The following POLR3G variants were observed in gnomAD, a reference collection of about 807,000 sequenced individuals.
The protein encoded by POLR3G is RNA polymerase III subunit G, also known as DNA-directed RNA polymerase III subunit RPC7.
Under a neutral mutation model 30.1 loss-of-function variants are expected in POLR3G, and 28 were observed. That is an observed-to-expected ratio of 0.93 (90% CI 0.69 to 1.27). The LOEUF (loss-of-function observed/expected upper bound fraction) is 1.27. Among genes scored for constraint, POLR3G ranks in the 50% most tolerant of loss-of-function variants. The pLI, the probability that POLR3G is intolerant of heterozygous loss-of-function variation, is 0.00. For missense variants in POLR3G, 254 were observed against 264.6 expected (o/e 0.96, Z 0.28); for synonymous variants, 79 against 82.5 (o/e 0.96, Z 0.23).
intron 7 of POLR3G, among the ~76,000 whole-genome samples, chr5:90,507,446 G>A (rs1376812073): frequency 1.3e-5 from 2 of 152,110 alleles, no homozygotes; most frequent in African/African-American, 4.8e-5. Context: ...ATTTGTATTA[G>A]TATAAACAGA....
At chr5:90,497,783 C>G in intron 5 of POLR3G, 77 bp downstream of exon 5, 1 of 1,498,820 alleles carries the variant, frequency 6.7e-7, no homozygotes, top group Non-Finnish European at 9.0e-7. Context: ...ATTTGTCAAC[C>G]CAAAGTTATA....
rs373253446 is a variant in POLR3G at position 90,478,728 on chromosome 5, G to A, written c.-44+3708G>A. ...CGTGCCACCATGTCCAGCTAAGCCT[G>A]TAGTCCCAGCACTTTGGGAGGCCGA... is the stretch of plus-strand genomic sequence containing the variant. On this transcript the variant is annotated intron_variant, in intron 1 of 7. Coordinates refer to ENST00000651687, the MANE Select transcript of POLR3G (RefSeq NM_006467.3). 1.5e-4 allele frequency among the ~76,000 whole-genome samples: 23 copies of A among 151,584 alleles called. No individual in the cohort carries two copies. The East Asian group carries it at 4.2e-3, about 28-fold the overall frequency.
rs142000063 is a variant in POLR3G, at chr5:90,492,495, G to T, written c.248-3182G>T. 1.6e-4 allele frequency among the ~76,000 whole-genome samples: 25 copies of T among 152,282 alleles called. No homozygotes were observed. In the East Asian group the frequency reaches 4.8e-3, roughly 29 times the overall value. On this transcript the variant is annotated intron_variant, in intron 3 of 7. Transcript: ENST00000651687. Reference sequence around the variant, plus strand: ...TAGACATGAAATTGTTTTCTGGATTGATTGTGTTAACTGGTGATTATAAAT... The same window carrying T: ...TAGACATGAAATTGTTTTCTGGATTTATTGTGTTAACTGGTGATTATAAAT...
intron 1 of POLR3G, among the ~76,000 whole-genome samples, chr5:90,484,742 A>G (rs960445472): frequency 6.6e-6 from 1 of 152,160 alleles, no homozygotes; most frequent in Non-Finnish European, 1.5e-5. Flanking sequence ...TCTTGGGTTC[A>G]AGGGGTTAAA....
intron 1 of POLR3G, among the ~76,000 whole-genome samples, chr5:90,475,469 C>CT (rs914988784): frequency 4.2e-5 from 3 of 71,472 alleles, no homozygotes; most frequent in African/African-American, 1.9e-4. Flanking sequence ...TATATCCACC[C>CT]TTTTTTTAAT....
chr5:90,495,587 T>C, intron 3 of POLR3G, 90 bp from the exon 4 acceptor site: 1 of 1,508,272 alleles, frequency 6.6e-7, no homozygotes. Context: ...AAAAATGTTG[T>C]CTGTTGTTTT....
intron 7 of POLR3G, among the ~76,000 whole-genome samples, chr5:90,510,155 C>T (rs1160394053): frequency 6.6e-6 from 1 of 152,106 alleles, no homozygotes; most frequent in Non-Finnish European, 1.5e-5. Context: ...ACAATGTCTG[C>T]TTGCACTGAG....
chr5:90,488,179 CAG>C, intron 3 of POLR3G, 50 bp downstream of exon 3: 2 of 1,424,112 alleles, frequency 1.4e-6, no homozygotes, highest in Non-Finnish European at 1.9e-6. Context: ...ACAGATGAAA[CAG>C]TGTTTAAGCA....
rs991594155 is a variant in POLR3G, at chr5:90,474,894, G to C, written c.-170G>C. On this transcript the variant is annotated 5_prime_UTR_variant, in exon 1 of 8. Transcript: ENST00000651687. ...GCGGTCCTGGTGCCGCGTGCAGGTC[G>C]GTGCGCGCTTCTCCCGAGGTGGAAC... 6.6e-6 allele frequency: 1 copy of C among 152,652 alleles called. No individual in the cohort carries two copies. Among genetic ancestry groups the C allele is most frequent in the African/African-American group, 2.4e-5 (1 of 41,464 alleles). The allele number at this position is 152,652 out of a possible 1,614,324, so 9.5% of individuals were successfully genotyped here.
At chr5:90,483,137 C>T (rs1444647474) in intron 1 of POLR3G, among the ~76,000 whole-genome samples, 1 of 109,596 alleles carries the variant, frequency 9.1e-6, no homozygotes. Context: ...CGAAACTCCT[C>T]CGTCTCAAAA....
At chr5:90,501,705 C>T (rs1752252239) in intron 5 of POLR3G, among the ~76,000 whole-genome samples, 1 of 152,008 alleles carries the variant, frequency 6.6e-6, no homozygotes, top group Non-Finnish European at 1.5e-5. Flanking sequence ...AATCCTACTA[C>T]GTGATTATCA....
intron 3 of POLR3G, among the ~76,000 whole-genome samples, chr5:90,489,416 G>A (rs538312157): frequency 2.0e-4 from 31 of 151,890 alleles, no homozygotes; most frequent in African/African-American, 6.3e-4. Context: ...CAGACGCACA[G>A]CACCATGCCC....
In POLR3G at chr5:90,500,428, G is replaced by T. The variant is rs575799931; in HGVS notation, c.356-1478G>T. Among the ~76,000 whole-genome samples, 154 of 152,152 alleles carry T rather than the reference G, an allele frequency of 1.0e-3. 2 individuals are homozygous for T. In the South Asian group the frequency reaches 0.012, roughly 12 times the overall value. On this transcript the variant is annotated intron_variant, in intron 5 of 7. Transcript: ENST00000651687. ...TCCCTTCAACAAAGGTTTATGTTATGAAATTAAATAATTTGATAAAAAGTT... is the reference window on the plus strand; with the variant it reads ...TCCCTTCAACAAAGGTTTATGTTATTAAATTAAATAATTTGATAAAAAGTT...
In POLR3G at chr5:90,512,319, C is replaced by A. The variant is rs930435028; in HGVS notation, c.*180C>A. ...CATACTAGTTACCTTAAAAATTATTCCCTGACACTCTGACATTCCTTCTAA... is the reference window on the plus strand; with the variant it reads ...CATACTAGTTACCTTAAAAATTATTACCTGACACTCTGACATTCCTTCTAA... On this transcript the variant is annotated 3_prime_UTR_variant, in exon 8 of 8. Coordinates refer to ENST00000651687, the MANE Select transcript of POLR3G (RefSeq NM_006467.3). The A allele has an allele frequency of 9.2e-6, 5 of 541,144 alleles. No homozygotes were observed. In the African/African-American group the frequency reaches 9.5e-5, roughly 10 times the overall value. 33.5% of individuals were successfully genotyped at this position (541,144 alleles called of 1,614,324 possible).
At position 90,487,976 on chromosome 5, in the gene POLR3G, AT is replaced by A. The variant is rs781682366; in HGVS notation, c.118-23del. On this transcript the variant is annotated intron_variant, in intron 2 of 7. Transcript: ENST00000651687. Reference sequence around the variant, plus strand: ...AAAATACATAATTGATTTGAAAAAAATCTTTGTCTCTTAATTTAAACAGGAT... The same window carrying A: ...AAAATACATAATTGATTTGAAAAAAACTTTGTCTCTTAATTTAAACAGGAT... The A allele has an allele frequency of 1.1e-5, 16 of 1,516,298 alleles. No homozygotes were observed. In the South Asian group the frequency reaches 1.6e-4, roughly 15 times the overall value. 93.9% of individuals were successfully genotyped at this position (1,516,298 alleles called of 1,614,324 possible).
intron 5 of POLR3G, among the ~76,000 whole-genome samples, chr5:90,499,138 T>C (rs1024246461): frequency 1.3e-5 from 2 of 152,130 alleles, no homozygotes; most frequent in Non-Finnish European, 2.9e-5. Flanking sequence ...AAAATGGAGA[T>C]AGCAGTCATT....
intron 5 of POLR3G, 77 bp from the exon 6 acceptor site, chr5:90,501,829 A>G: frequency 2.6e-6 from 4 of 1,529,414 alleles, no homozygotes; most frequent in Non-Finnish European, 3.6e-6. Flanking sequence ...GATGCTGGAC[A>G]GCATACGCAA....
chr5:90,476,566 C>T (rs1325488218), intron 1 of POLR3G, among the ~76,000 whole-genome samples: 2 of 152,116 alleles, frequency 1.3e-5, no homozygotes, highest in Non-Finnish European at 2.9e-5. Flanking sequence ...TTTCTCTAGG[C>T]AGAAGCAAGC....
chr5:90,474,184 CGCGCACCA>C, upstream of POLR3G: 1 of 1,607,900 alleles, frequency 6.2e-7, no homozygotes, highest in Non-Finnish European at 8.5e-7. Context: ...TGCTCGGAGC[CGCGCACCA>C]GCCAGATGTT....
Sources: gnomAD v4.1 joint callset for allele counts (sites outside exome capture counted in the v4.1 genomes callset) on GRCh38, gnomAD v4.1.1 for gene constraint, MANE v1.5 for transcripts, NCBI Gene and HGNC (gene_info 2026-07-23, HGNC 2026-07-21) for gene names.